B4GALNT3: variants seen among roughly 807,000 people sequenced by gnomAD.
B4GALNT3 encodes beta-1,4-N-acetylgalactosaminyltransferase 3.
In B4GALNT3, 86 loss-of-function variants were observed where a neutral mutation model predicts 120.2. That is an observed-to-expected ratio of 0.72 (90% CI 0.60 to 0.86). The LOEUF (loss-of-function observed/expected upper bound fraction) is 0.86, where lower values mean the gene tolerates loss of function less well. Among genes scored for constraint, B4GALNT3 ranks in the 40% least tolerant of loss-of-function variants. B4GALNT3 has a pLI of 0.00. For synonymous variants in B4GALNT3, 518 were observed against 510.4 expected, an observed-to-expected ratio of 1.01 and a Z score of -0.20; for missense variants, 1,167 against 1,298.9, an observed-to-expected ratio of 0.90 and a Z score of 1.56.
intron 1 of B4GALNT3, among the ~76,000 whole-genome samples, chr12:500,345 C>T (rs1946426361): frequency 6.6e-6 from 1 of 152,182 alleles, no homozygotes; most frequent in South Asian, 2.1e-4. Context: ...ACTTATCAAC[C>T]TGGATAAAGG....
chr12:497,256 C>T (rs1279616046), intron 1 of B4GALNT3, among the ~76,000 whole-genome samples: 1 of 152,172 alleles, frequency 6.6e-6, no homozygotes, highest in African/African-American at 2.4e-5. Flanking sequence ...CGGGTTCAAG[C>T]GATTCTCCTG....
chr12:521,859 G>A (rs1387850127), intron 1 of B4GALNT3, among the ~76,000 whole-genome samples: 1 of 152,174 alleles, frequency 6.6e-6, no homozygotes, highest in Non-Finnish European at 1.5e-5. Flanking sequence ...AGGTAACTTA[G>A]CCTCTCTCTG....
At chr12:479,001 G>A (rs560859957) in intron 1 of B4GALNT3, among the ~76,000 whole-genome samples, 25 of 152,188 alleles carry the variant, frequency 1.6e-4, no homozygotes, top group Non-Finnish European at 3.5e-4. Flanking sequence ...AGAGGTTACA[G>A]CCTCCTTTAT....
rs1439616261 is a variant in B4GALNT3, at chr12:512,354, C to T, written c.170-22812C>T. Among the ~76,000 whole-genome samples, 46 of 139,362 alleles carry T rather than the reference C, an allele frequency of 3.3e-4. 1 individual carries two copies. Among genetic ancestry groups the T allele is most frequent in the South Asian group, 2.4e-4 (1 of 4,158 alleles). 91.4% of individuals were successfully genotyped at this position (139,362 alleles called of 152,430 possible). A position where few individuals can be genotyped will look rare whatever the true frequency, so the allele number is the denominator to read the frequency against. ...CACCTTCCTTCCACCTTCCACCTTCCGCCTTCGACCTTCTTCCACCTTCCA... is the reference window on the plus strand; with the variant it reads ...CACCTTCCTTCCACCTTCCACCTTCTGCCTTCGACCTTCTTCCACCTTCCA... On this transcript the variant is annotated intron_variant, in intron 1 of 19. Transcript: ENST00000266383.
Position 552,437 on chromosome 12 carries a change from T to C in B4GALNT3, c.1209-30T>C, listed in dbSNP as rs369353193. 6.8e-5 allele frequency: 109 copies of C among 1,603,850 alleles called. No individual in the cohort carries two copies. The Admixed American group carries it at 7.2e-4, about 11-fold the overall frequency. On this transcript the variant is annotated intron_variant, in intron 12 of 19. Coordinates refer to ENST00000266383, the MANE Select transcript of B4GALNT3 (RefSeq NM_173593.4). Reference sequence around the variant, plus strand: ...AGGGCTGAGCCCGCCATGCACCGGGTGCCAATGCACACCTCCCTTCCTCCT... The same window carrying C: ...AGGGCTGAGCCCGCCATGCACCGGGCGCCAATGCACACCTCCCTTCCTCCT...
At chr12:559,245 C>CT (rs1464822989) in intron 18 of B4GALNT3, 50 bp from the exon 19 acceptor site, 1 of 1,610,746 alleles carries the variant, frequency 6.2e-7, no homozygotes, top group Admixed American at 1.7e-5. Flanking sequence ...TCCTTCCTTC[C>CT]TCCTCCTGGC....
Position 561,525 on chromosome 12 carries a change from C to A in B4GALNT3, c.*74C>A. 8.1e-7 allele frequency: 1 copy of A among 1,237,264 alleles called. No individual in the cohort carries two copies. Among genetic ancestry groups the A allele is most frequent in the Non-Finnish European group, 1.1e-6 (1 of 871,832 alleles). The allele number at this position is 1,237,264 out of a possible 1,614,324, so 76.6% of individuals were successfully genotyped here. Reference sequence around the variant, plus strand: ...GGCTCCCCAGGGCCCTGCTACTGTTCAGGGATGGGGAGTGGGGTGACGGCT... The same window carrying A: ...GGCTCCCCAGGGCCCTGCTACTGTTAAGGGATGGGGAGTGGGGTGACGGCT... On this transcript the variant is annotated 3_prime_UTR_variant, in exon 20 of 20. Coordinates refer to ENST00000266383, the MANE Select transcript of B4GALNT3 (RefSeq NM_173593.4).
At chr12:524,559 T>G (rs955894406) in intron 1 of B4GALNT3, among the ~76,000 whole-genome samples, 5 of 151,972 alleles carry the variant, frequency 3.3e-5, no homozygotes, top group Non-Finnish European at 7.4e-5. Flanking sequence ...GGGCCATACC[T>G]CTTTCTGCTT....
chr12:527,882 G>T (rs1946771715), intron 1 of B4GALNT3, among the ~76,000 whole-genome samples: 1 of 148,422 alleles, frequency 6.7e-6, no homozygotes, highest in Non-Finnish European at 1.5e-5. Flanking sequence ...TACATGGAGA[G>T]ATGTTAGTCA....
At chr12:512,084 G>C (rs1343240328) in intron 1 of B4GALNT3, among the ~76,000 whole-genome samples, 61 of 44,236 alleles carry the variant, frequency 1.4e-3, no homozygotes, top group Middle Eastern at 0.025. Context: ...TTCCACCTTC[G>C]ACCTTCCACC....
At position 556,888 on chromosome 12, in the gene B4GALNT3, G is replaced by A. The variant is rs376255644; in HGVS notation, c.2380+22G>A. 780 of 1,584,872 alleles carry A rather than the reference G, an allele frequency of 4.9e-4. 4 individuals are homozygous for A. In the African/African-American group the frequency reaches 5.8e-3, roughly 12 times the overall value. ...CCTGGTGAGCCTCAAGCTGAGCCTC[G>A]GCATTCTCAGGGGCGGGGTCCTCAC... On this transcript the variant is annotated intron_variant, in intron 15 of 19. Coordinates refer to ENST00000266383, the MANE Select transcript of B4GALNT3 (RefSeq NM_173593.4).
chr12:514,030 G>T (rs1946624757), intron 1 of B4GALNT3, among the ~76,000 whole-genome samples: 1 of 152,142 alleles, frequency 6.6e-6, no homozygotes, highest in East Asian at 1.9e-4. Context: ...TTTCATTTCT[G>T]TTGGGTGTAT....
At chr12:499,190 C>G (rs1565594281) in intron 1 of B4GALNT3, among the ~76,000 whole-genome samples, 1 of 152,234 alleles carries the variant, frequency 6.6e-6, no homozygotes, top group Non-Finnish European at 1.5e-5. Context: ...AATTGCCTAC[C>G]TGGCTGTGGT....
chr12:464,721 T>C (rs1222811841), intron 1 of B4GALNT3, among the ~76,000 whole-genome samples: 1 of 152,240 alleles, frequency 6.6e-6, no homozygotes, highest in South Asian at 2.1e-4. Flanking sequence ...TGGCATGTGC[T>C]GGCTCCTTTT....
intron 1 of B4GALNT3, among the ~76,000 whole-genome samples, chr12:472,695 G>A (rs972186383): frequency 1.3e-5 from 2 of 152,066 alleles, no homozygotes; most frequent in Admixed American, 1.3e-4. Flanking sequence ...CCTTGGCCTC[G>A]CAAAGTGCTG....
At chr12:503,501 T>C (rs946449563) in intron 1 of B4GALNT3, among the ~76,000 whole-genome samples, 2 of 152,204 alleles carry the variant, frequency 1.3e-5, no homozygotes, top group African/African-American at 4.8e-5. Flanking sequence ...TTCTGACCTG[T>C]AAAATGAACC....
At chr12:514,973 G>T (rs1337601254) in intron 1 of B4GALNT3, among the ~76,000 whole-genome samples, 1 of 152,038 alleles carries the variant, frequency 6.6e-6, no homozygotes, top group East Asian at 1.9e-4. Context: ...AGTCGAGATC[G>T]CACCACTGCA....
intron 1 of B4GALNT3, among the ~76,000 whole-genome samples, chr12:500,865 C>CTTT (rs55927726): frequency 0.038 from 2,362 of 61,742 alleles, 562 homozygotes; most frequent in African/African-American, 0.17. Flanking sequence ...GGCTCCACTG[C>CTTT]TTTTTTTTTT....
chr12:503,143 C>T (rs1357333859), intron 1 of B4GALNT3, among the ~76,000 whole-genome samples: 1 of 152,194 alleles, frequency 6.6e-6, no homozygotes, highest in Non-Finnish European at 1.5e-5. Context: ...GGGTTTGCAG[C>T]TGCTGGCTGA....
Sources: allele counts gnomAD v4.1 joint callset (sites outside exome capture counted in the v4.1 genomes callset), GRCh38; gene constraint gnomAD v4.1.1; transcripts MANE v1.5; gene names NCBI Gene and HGNC (gene_info 2026-07-23, HGNC 2026-07-21).